The following BLMH variants were observed in gnomAD, a reference collection of about 807,000 sequenced individuals.
BLMH encodes BLM hydrolase.
BLMH carries 32 observed loss-of-function variants against 61.6 expected under a neutral mutation model. The ratio of observed to expected loss-of-function variants is 0.52; its 90% CI spans 0.39 to 0.70. BLMH has a LOEUF of 0.70. Ranked by LOEUF, BLMH falls within the 30% of genes least tolerant of loss-of-function variation. BLMH has a pLI of 0.00. For missense variants in BLMH, 460 were observed against 555.5 expected (o/e 0.83, Z 1.73); for synonymous variants, 183 against 193.8 (o/e 0.94, Z 0.46).
At chr17:30,276,342 G>A (rs1908424084) in intron 6 of BLMH, among the ~76,000 whole-genome samples, 1 of 152,230 alleles carries the variant, frequency 6.6e-6, no homozygotes, top group African/African-American at 2.4e-5. Context: ...CATAGAGCCA[G>A]TAAATGGCAG....
At chr17:30,261,558 G>C (rs776729834) in intron 11 of BLMH, among the ~76,000 whole-genome samples, 1 of 152,128 alleles carries the variant, frequency 6.6e-6, no homozygotes, top group Non-Finnish European at 1.5e-5. Context: ...AGCTCATAAA[G>C]AAACAAATTG....
intron 10 of BLMH, among the ~76,000 whole-genome samples, chr17:30,269,196 G>A (rs866534944): frequency 2.0e-5 from 1 of 50,910 alleles, no homozygotes; most frequent in African/African-American, 7.4e-5. Context: ...TTTTTTTTTT[G>A]AGACAGAGTC....
At chr17:30,273,536 GT>G (rs1468968261) in intron 7 of BLMH, 1 of 161,042 alleles carries the variant, frequency 6.2e-6, no homozygotes, top group Non-Finnish European at 1.3e-5. Context: ...CAAGGCCCCT[GT>G]TCTCAAGTTA....
Position 30,291,453 on chromosome 17 carries a change from C to G in BLMH, c.69G>C (p.Gln23His), listed in dbSNP as rs767226279. 2 of 1,614,224 alleles carry G rather than the reference C, an allele frequency of 1.2e-6. No homozygotes were observed. Among genetic ancestry groups the G allele is most frequent in the South Asian group, 2.2e-5 (2 of 91,088 alleles). Residue 23 changes from glutamine to histidine, a missense_variant, in exon 2 of 12, where the codon CAG (glutamine) becomes CAC (histidine). Gln to His is a conservative substitution (Grantham distance 24). Transcript: ENST00000261714. The part of the protein sequence containing the change: ...ALIQKLNSDP[Q>H]FVLAQNVGTT... ...TCCCGACATTCTGGGCAAGTACGAA[C>G]TGGGGGTCGGAATTCAGTTTCTGTA...
chr17:30,289,123 A>T (rs975431092), intron 3 of BLMH, among the ~76,000 whole-genome samples: 12 of 152,210 alleles, frequency 7.9e-5, no homozygotes, highest in African/African-American at 2.9e-4. Context: ...AAAATTTAAA[A>T]TTTTAAATAG....
At chr17:30,275,797 CA>C (rs1332575960) in intron 6 of BLMH, among the ~76,000 whole-genome samples, 1 of 152,096 alleles carries the variant, frequency 6.6e-6, no homozygotes, top group Non-Finnish European at 1.5e-5. Flanking sequence ...TTTTTAAAAA[CA>C]TAACACTATG....
In BLMH at chr17:30,291,929, G is replaced by A; in HGVS notation, c.-110C>T. 2 of 1,198,658 alleles carry A rather than the reference G, an allele frequency of 1.7e-6. No individual in the cohort carries two copies. Among genetic ancestry groups the A allele is most frequent in the Non-Finnish European group, 1.1e-6 (1 of 941,082 alleles). 74.3% of individuals were successfully genotyped at this position (1,198,658 alleles called of 1,614,324 possible). A position where few individuals can be genotyped will look rare whatever the true frequency, so the allele number is the denominator to read the frequency against. ...GGGGCCCGACCTGTCTCTCGCACCC[G>A]GAGCGCCGGAAAAAGGAAACCGGCT... On this transcript the variant is annotated 5_prime_UTR_variant, in exon 1 of 12. Transcript: ENST00000261714.
intron 6 of BLMH, among the ~76,000 whole-genome samples, chr17:30,283,392 T>C (rs1053118765): frequency 2.0e-5 from 3 of 152,054 alleles, no homozygotes; most frequent in Non-Finnish European, 2.9e-5. Flanking sequence ...CTTAGACACA[T>C]CATTAGTTCA....
At chr17:30,266,426 G>A (rs955399534) in intron 11 of BLMH, among the ~76,000 whole-genome samples, 8 of 150,738 alleles carry the variant, frequency 5.3e-5, no homozygotes, top group African/African-American at 2.0e-4. Context: ...TCCAGAGGCT[G>A]AGGCAGGAGA....
intron 3 of BLMH, among the ~76,000 whole-genome samples, chr17:30,288,524 A>AT (rs11399595): frequency 0.024 from 3,603 of 152,052 alleles, 147 homozygotes; most frequent in African/African-American, 0.081. Flanking sequence ...TAATTTTTGT[A>AT]TTTTTTGTAG....
chr17:30,272,226 A>G (rs1353239384), intron 9 of BLMH: 4 of 282,188 alleles, frequency 1.4e-5, no homozygotes, highest in African/African-American at 8.6e-5. Flanking sequence ...GGGCTCTGGA[A>G]AATCTTTCAT....
chr17:30,257,135 C>T (rs1251137311), intron 11 of BLMH, among the ~76,000 whole-genome samples: 1 of 152,180 alleles, frequency 6.6e-6, no homozygotes, highest in East Asian at 1.9e-4. Context: ...TGCAACAAAG[C>T]TAATATTTAT....
At position 30,291,443 on chromosome 17, in the gene BLMH, C is replaced by A. The variant is rs1333484023; in HGVS notation, c.79G>T (p.Ala27Ser). 4 of 1,614,256 alleles carry A rather than the reference C, an allele frequency of 2.5e-6. No homozygotes were observed. Among genetic ancestry groups the A allele is most frequent in the Non-Finnish European group, 3.4e-6 (4 of 1,180,048 alleles). The change falls in exon 2 of 12, where the codon GCC becomes TCC. Residue 27 changes from alanine (A) to serine (S), a missense_variant. By Grantham distance (99) the Ala-to-Ser change is moderately conservative (BLOSUM62 1). Transcript: ENST00000261714. Reference protein sequence around the residue: ...KLNSDPQFVLAQNVGTTHDLL... With the variant: ...KLNSDPQFVLSQNVGTTHDLL... ...TCGTGGGTGGTCCCGACATTCTGGGCAAGTACGAACTGGGGGTCGGAATTC... is the reference window on the plus strand; with the variant it reads ...TCGTGGGTGGTCCCGACATTCTGGGAAAGTACGAACTGGGGGTCGGAATTC...
intron 10 of BLMH, among the ~76,000 whole-genome samples, chr17:30,270,388 G>C (rs1222981065): frequency 6.6e-6 from 1 of 151,612 alleles, no homozygotes; most frequent in South Asian, 2.1e-4. Flanking sequence ...TGTAATCCCA[G>C]CTACTCGCAA....
At chr17:30,279,945 T>A (rs1347316132) in intron 6 of BLMH, among the ~76,000 whole-genome samples, 1 of 151,386 alleles carries the variant, frequency 6.6e-6, no homozygotes, top group Non-Finnish European at 1.5e-5. Context: ...AATGTGTAGA[T>A]CCCAATTTAA....
chr17:30,251,113 A>G (rs1907656944), intron 11 of BLMH, among the ~76,000 whole-genome samples: 2 of 152,118 alleles, frequency 1.3e-5, no homozygotes, highest in African/African-American at 4.8e-5. Flanking sequence ...TGGAGGGATA[A>G]AACAAAGACA....
intron 10 of BLMH, among the ~76,000 whole-genome samples, chr17:30,270,027 A>G (rs1272901710): frequency 6.6e-6 from 1 of 152,186 alleles, no homozygotes; most frequent in East Asian, 1.9e-4. Flanking sequence ...AAGAGGTGAG[A>G]AAAAGGTACA....
intron 11 of BLMH, among the ~76,000 whole-genome samples, chr17:30,262,365 C>T (rs1907981103): frequency 6.6e-6 from 1 of 152,198 alleles, no homozygotes; most frequent in Non-Finnish European, 1.5e-5. Flanking sequence ...AATTTATTGA[C>T]TATCAAATAC....
chr17:30,266,452 G>C (rs985594853), intron 11 of BLMH, among the ~76,000 whole-genome samples: 1 of 149,992 alleles, frequency 6.7e-6, no homozygotes, highest in Non-Finnish European at 1.5e-5. Context: ...GTGAACCCGG[G>C]AGGTGGAGCT....
Sources: gnomAD v4.1 joint callset for allele counts (sites outside exome capture counted in the v4.1 genomes callset) on GRCh38, gnomAD v4.1.1 for gene constraint, MANE v1.5 for transcripts, NCBI Gene and HGNC (gene_info 2026-07-23, HGNC 2026-07-21) for gene names.